Variants in EXOC2 observed in about 807,000 individuals in gnomAD.
EXOC2 encodes the protein SEC5-like 1.
EXOC2 carries 70 observed loss-of-function variants against 131.8 expected under a neutral mutation model. The observed-to-expected ratio is 0.53, with a 90% CI of 0.44 to 0.65. The LOEUF (loss-of-function observed/expected upper bound fraction) is 0.65. Among genes scored for constraint, EXOC2 ranks in the 30% least tolerant of loss-of-function variants. The pLI is 0.00. For missense variants in EXOC2, 923 were observed against 1,108.6 expected (o/e 0.83, Z 2.38); for synonymous variants, 411 against 398.4 (o/e 1.03, Z -0.38).
At chr6:504,833 A>G (rs1581323679) in intron 23 of EXOC2, among the ~76,000 whole-genome samples, 2 of 152,210 alleles carry the variant, frequency 1.3e-5, no homozygotes, top group Admixed American at 6.5e-5. Flanking sequence ...AAAGTGGGCA[A>G]AACAGACAGG....
intron 23 of EXOC2, among the ~76,000 whole-genome samples, chr6:526,406 C>T (rs1330628258): frequency 6.7e-6 from 1 of 150,028 alleles, no homozygotes; most frequent in African/African-American, 2.5e-5. Context: ...TCTATTCTAC[C>T]AGCACATCTG....
intron 13 of EXOC2, among the ~76,000 whole-genome samples, chr6:565,793 G>GAC (rs1757935312): frequency 6.6e-6 from 1 of 152,156 alleles, no homozygotes; most frequent in African/African-American, 2.4e-5. Flanking sequence ...TCATGATATT[G>GAC]ACTTTAAGTC....
At chr6:671,751 G>A (rs140940032) in intron 1 of EXOC2, among the ~76,000 whole-genome samples, 242 of 152,030 alleles carry the variant, frequency 1.6e-3, no homozygotes, top group Non-Finnish European at 2.5e-3. Context: ...TTACTTGTTT[G>A]CATGGTTGCT....
At chr6:557,168 C>T (rs1429671187) in intron 17 of EXOC2, among the ~76,000 whole-genome samples, 1 of 152,088 alleles carries the variant, frequency 6.6e-6, no homozygotes, top group Non-Finnish European at 1.5e-5. Flanking sequence ...GTGCCAGGAA[C>T]TACTCTAGGT....
chr6:635,453 C>T (rs1279686193), intron 2 of EXOC2, among the ~76,000 whole-genome samples: 1 of 152,140 alleles, frequency 6.6e-6, no homozygotes, highest in Non-Finnish European at 1.5e-5. Context: ...AATTCAAACA[C>T]AGATTCAAGT....
intron 11 of EXOC2, among the ~76,000 whole-genome samples, chr6:587,536 G>T (rs373107149): frequency 6.6e-6 from 1 of 152,170 alleles, no homozygotes; most frequent in African/African-American, 2.4e-5. Context: ...GAGCCACCGC[G>T]CCCGGCCATA....
At chr6:551,743 T>C (rs933028649) in intron 21 of EXOC2, among the ~76,000 whole-genome samples, 3 of 152,188 alleles carry the variant, frequency 2.0e-5, no homozygotes, top group African/African-American at 7.2e-5. Flanking sequence ...CGCATTTCCA[T>C]GCTCCACAAG....
At chr6:624,830 C>T (rs940908857) in intron 4 of EXOC2, among the ~76,000 whole-genome samples, 1 of 152,196 alleles carries the variant, frequency 6.6e-6, no homozygotes, top group Non-Finnish European at 1.5e-5. Flanking sequence ...AAAACTCTTA[C>T]GTTTGTTCAG....
At chr6:504,028 C>T (rs1271142536) in intron 23 of EXOC2, among the ~76,000 whole-genome samples, 1 of 152,222 alleles carries the variant, frequency 6.6e-6, no homozygotes, top group Non-Finnish European at 1.5e-5. Flanking sequence ...CAAAGAAGCC[C>T]GTGCTGGGAC....
intron 12 of EXOC2, among the ~76,000 whole-genome samples, chr6:574,514 C>T (rs959759101): frequency 2.0e-5 from 3 of 152,220 alleles, no homozygotes; most frequent in Admixed American, 6.5e-5. Flanking sequence ...ACCACTGACA[C>T]GTCCTCTGTG....
intron 22 of EXOC2, among the ~76,000 whole-genome samples, chr6:537,509 C>T (rs991560801): frequency 1.3e-5 from 2 of 151,946 alleles, no homozygotes; most frequent in South Asian, 2.1e-4. Context: ...AGCGTACACT[C>T]GAGTTGATGA....
intron 1 of EXOC2, among the ~76,000 whole-genome samples, chr6:663,219 A>AAT (rs1763497273): frequency 6.6e-6 from 1 of 152,202 alleles, no homozygotes; most frequent in Admixed American, 6.5e-5. Context: ...TTCCTGGATA[A>AAT]ATATAACCCT....
chr6:589,855 C>A (rs767183296), intron 11 of EXOC2, among the ~76,000 whole-genome samples: 1 of 152,192 alleles, frequency 6.6e-6, no homozygotes, highest in Non-Finnish European at 1.5e-5. Flanking sequence ...GCCTGTAATC[C>A]CAGCACTTTG....
At chr6:610,840 A>C (rs1760677589) in intron 6 of EXOC2, among the ~76,000 whole-genome samples, 1 of 152,136 alleles carries the variant, frequency 6.6e-6, no homozygotes, top group Admixed American at 6.5e-5. Flanking sequence ...GCCACCTCAA[A>C]TTTTCTTTGA....
rs1249671077 is a variant in EXOC2 at position 572,632 on chromosome 6, T to C, written c.1331A>G (p.Lys444Arg). 1.9e-6 allele frequency: 3 copies of C among 1,613,616 alleles called. No individual in the cohort carries two copies. The highest frequency in any genetic ancestry group is 2.2e-5 in the East Asian group (1 of 44,898). Reference sequence around the variant, plus strand: ...AACAAAGGCCACCCTGTGGGGAGTTTTGTATCTCCACGCTAAGGGGGAAAA... The same window carrying C: ...AACAAAGGCCACCCTGTGGGGAGTTCTGTATCTCCACGCTAAGGGGGAAAA... ...QSGRDDTWRYKTPHRVAFVEK... is the reference protein window; with the variant it reads ...QSGRDDTWRYRTPHRVAFVEK... The change falls in exon 13 of 28, where the codon AAA (lysine) becomes AGA (arginine). Residue 444 changes from lysine to arginine, a missense_variant. By Grantham distance (26) the Lys-to-Arg change is conservative. Transcript: ENST00000230449.
At chr6:572,221 T>A (rs910575893) in intron 13 of EXOC2, among the ~76,000 whole-genome samples, 2 of 152,064 alleles carry the variant, frequency 1.3e-5, no homozygotes, top group Non-Finnish European at 2.9e-5. Context: ...CAATTCGGAG[T>A]CCCTGAAAAG....
intron 1 of EXOC2, chr6:656,782 A>T: frequency 6.2e-7 from 1 of 1,600,548 alleles, no homozygotes; most frequent in African/African-American, 1.3e-5. Flanking sequence ...ACCTCGCACC[A>T]CAGCCTGGCC....
chr6:487,638 G>A (rs546599709), intron 27 of EXOC2, among the ~76,000 whole-genome samples: 3 of 152,092 alleles, frequency 2.0e-5, no homozygotes, highest in South Asian at 4.2e-4. Context: ...ATTTCCTGAA[G>A]TCGTGATCCG....
chr6:633,117 C>T lies in EXOC2; in HGVS notation c.119G>A (p.Gly40Asp), dbSNP rs1761934591. 1 of 1,612,174 alleles carries T rather than the reference C, an allele frequency of 6.2e-7. No homozygotes were observed. Among genetic ancestry groups the T allele is most frequent in the African/African-American group, 1.3e-5 (1 of 74,978 alleles). Residue 40 changes from glycine (G) to aspartate (D), a missense_variant and splice_region_variant, in exon 3 of 28, where the codon GGC becomes GAC. Physicochemically the swap from Gly to Asp is moderately conservative, Grantham distance 94. Coordinates refer to ENST00000230449, the MANE Select transcript of EXOC2 (RefSeq NM_018303.6). ...NLGTGPTDLI[G>D]LTICGHNCLL... The stretch of plus-strand genomic sequence containing the variant: ...GCAATTATGTCCACAAATGGTCAAG[C>T]CTGAAAATAAACGCATGTGCATAAC...
Sources: allele counts gnomAD v4.1 joint callset (sites outside exome capture counted in the v4.1 genomes callset), GRCh38; gene constraint gnomAD v4.1.1; transcripts MANE v1.5; gene names NCBI Gene and HGNC (gene_info 2026-07-23, HGNC 2026-07-21).